Variants in PSG6 observed in about 807,000 individuals in gnomAD.
The protein encoded by PSG6 is pregnancy specific beta-1-glycoprotein 6.
PSG6 carries 51 observed loss-of-function variants against 43.3 expected under a neutral mutation model. That is an observed-to-expected ratio of 1.18 (90% CI 0.94 to 1.49). The LOEUF (loss-of-function observed/expected upper bound fraction) is 1.49. PSG6 is among the 40% of genes most tolerant of loss of function. PSG6 has a pLI of 0.00. For synonymous variants in PSG6, 292 were observed against 197.6 expected, an observed-to-expected ratio of 1.48 and a Z score of -4.01; for missense variants, 770 against 522.2, an observed-to-expected ratio of 1.47 and a Z score of -4.62.
At chr19:42,906,412 G>A (rs1373138078) in intron 5 of PSG6, among the ~76,000 whole-genome samples, 1 of 147,532 alleles carries the variant, frequency 6.8e-6, no homozygotes, top group African/African-American at 2.7e-5. Context: ...GTCAGGCAGG[G>A]CCAGGCCAGT....
chr19:42,915,118 G>A (rs1333988897), intron 2 of PSG6, among the ~76,000 whole-genome samples: 3 of 151,420 alleles, frequency 2.0e-5, no homozygotes, highest in African/African-American at 7.3e-5. Flanking sequence ...GAGAGGATGG[G>A]CCTGTGGCTG....
rs565072082 is a variant in PSG6, at chr19:42,916,165, C to T, written c.387G>A (p.Gly129=). 1.1e-5 allele frequency: 18 copies of T among 1,611,978 alleles called. No individual in the cohort carries two copies. The highest frequency in any genetic ancestry group is 2.2e-5 in the East Asian group (1 of 44,786). The stretch of plus-strand genomic sequence containing the variant: ...TGAAATATCCAGTTACTCCTCCAGT[C>T]CCATCGCCTCGCTTTATGATGTGTA... ...YTLHIIKRGD[G]TGGVTGYFTV... Residue 129 remains glycine (G), a synonymous_variant, in exon 2 of 6, where the codon GGG becomes GGA. Coordinates refer to ENST00000187910, the MANE Select transcript of PSG6 (RefSeq NM_001031850.4).
chr19:42,903,687 T>G (rs1972069090), intron 5 of PSG6: 1 of 1,531,554 alleles, frequency 6.5e-7, no homozygotes, highest in Non-Finnish European at 8.8e-7. Flanking sequence ...ACCAGGTGTT[T>G]GGACCAGCAT....
rs778070572 is a variant in PSG6, at chr19:42,910,580, G to C, written c.706C>G (p.Pro236Ala). ...RSDPVTLNLL[P>A]KLPMPYITIN... is the part of the protein sequence containing the mutation. ...TCACAGAGGAACAGAAGATACTCAC[G>C]GAGGAGATTCAGGGTGACTGGGTCA... The change falls in exon 3 of 6, where the codon CCG becomes GCG. Residue 236 changes from proline (P) to alanine (A), a missense_variant and splice_region_variant. Coordinates refer to ENST00000187910, the MANE Select transcript of PSG6 (RefSeq NM_001031850.4). 4 of 1,612,388 alleles carry C rather than the reference G, an allele frequency of 2.5e-6. No individual in the cohort carries two copies. The highest frequency in any genetic ancestry group is 1.3e-5 in the African/African-American group (1 of 74,770).
chr19:42,909,730 A>G (rs1216214130), intron 3 of PSG6: 1 of 151,690 alleles, frequency 6.6e-6, no homozygotes, highest in Non-Finnish European at 1.5e-5. Flanking sequence ...TTGTTAGTGT[A>G]TTGTCTAAAG....
Position 42,912,827 on chromosome 19 carries a change from G to A in PSG6, c.428-1969C>T, listed in dbSNP as rs191338794. ...CTTATGAAAACGGCATCATCATGAG[G>A]AAATAGTTGTATGTGGCACAGGCAG... On this transcript the variant is annotated intron_variant, in intron 2 of 5. Coordinates refer to ENST00000187910, the MANE Select transcript of PSG6 (RefSeq NM_001031850.4). Among the ~76,000 whole-genome samples the A allele has an allele frequency of 1.5e-4, 23 of 151,758 alleles. 1 individual carries two copies. The highest frequency in any genetic ancestry group is 2.5e-4 in the Non-Finnish European group (17 of 67,888).
At chr19:42,904,322 A>G (rs1972080357) in intron 5 of PSG6, among the ~76,000 whole-genome samples, 1 of 151,638 alleles carries the variant, frequency 6.6e-6, no homozygotes, top group Non-Finnish European at 1.5e-5. Flanking sequence ...AGAATTTTTA[A>G]AAAGACATTC....
chr19:42,907,297 C>A, intron 4 of PSG6, 121 bp from the exon 5 acceptor site: 1 of 1,494,932 alleles, frequency 6.7e-7, no homozygotes, highest in South Asian at 1.4e-5. Flanking sequence ...CAGCCAAATC[C>A]CATCTATGTT....
intron 3 of PSG6, among the ~76,000 whole-genome samples, chr19:42,909,479 C>A (rs1972178139): frequency 6.6e-6 from 1 of 151,572 alleles, no homozygotes; most frequent in Admixed American, 6.6e-5. Flanking sequence ...GTAGGGGTTG[C>A]ATTGAATCTG....
In PSG6 at chr19:42,914,287, G is replaced by A. The variant is rs1461846589; in HGVS notation, c.427+1838C>T. ...ACCTTTCCTATTTCCTGGGAGGTGGGCCAGGCCACAGTGTTAGCGGGAAGG... is the reference window on the plus strand; with the variant it reads ...ACCTTTCCTATTTCCTGGGAGGTGGACCAGGCCACAGTGTTAGCGGGAAGG... On this transcript the variant is annotated intron_variant, in intron 2 of 5. Coordinates refer to ENST00000187910, the MANE Select transcript of PSG6 (RefSeq NM_001031850.4). Among the ~76,000 whole-genome samples, 8 of 151,412 alleles carry A rather than the reference G, an allele frequency of 5.3e-5. 1 individual carries two copies. Among genetic ancestry groups the A allele is most frequent in the East Asian group, 1.9e-4 (1 of 5,160 alleles).
rs560159582 is a variant in PSG6 at position 42,915,975 on chromosome 19, T to C, written c.427+150A>G. 47 of 1,329,256 alleles carry C rather than the reference T, an allele frequency of 3.5e-5. No individual in the cohort carries two copies. The African/African-American group carries it at 5.5e-4, about 15-fold the overall frequency. The allele number at this position is 1,329,256 out of a possible 1,614,324, so 82.3% of individuals were successfully genotyped here. The stretch of plus-strand genomic sequence containing the variant: ...CTGATCTGTTGAAATGTGTCTCCTC[T>C]GTGTGTGTCCTGCACTAAATGCCCA... On this transcript the variant is annotated intron_variant, in intron 2 of 5. Coordinates refer to ENST00000187910, the MANE Select transcript of PSG6 (RefSeq NM_001031850.4).
intron 5 of PSG6, chr19:42,903,725 C>T (rs540664681): frequency 3.6e-6 from 5 of 1,377,638 alleles, no homozygotes; most frequent in Non-Finnish European, 4.8e-6. Flanking sequence ...GCTGTCTCTA[C>T]AAAAAAAAAA....
intron 5 of PSG6, among the ~76,000 whole-genome samples, chr19:42,902,923 A>G (rs941916049): frequency 6.6e-6 from 1 of 151,580 alleles, no homozygotes; most frequent in African/African-American, 2.4e-5. Flanking sequence ...TCTATGGAAA[A>G]AGGTAGGTAC....
chr19:42,914,724 T>C (rs867315934), intron 2 of PSG6, among the ~76,000 whole-genome samples: 5 of 151,628 alleles, frequency 3.3e-5, no homozygotes, highest in Admixed American at 6.6e-5. Context: ...TTTTGGATCA[T>C]CCATTTCTTC....
rs776377698 is a variant in PSG6 at position 42,916,190 on chromosome 19, A to T, written c.362T>A (p.Leu121Ter). The change falls in exon 2 of 6, where the codon TTA becomes TAA. Residue 121 changes from leucine (L) to a stop codon, truncating the protein, a stop_gained. Transcript: ENST00000187910. LOFTEE classifies it high-confidence loss of function. ...CCCATCGCCTCGCTTTATGATGTGT[A>T]AGGTGTAGGATCCTGCATCCTCCTG... ...VTQEDAGSYT[L>*]HIIKRGDGTG... 3.1e-6 allele frequency: 5 copies of T among 1,612,054 alleles called. No homozygotes were observed. In the African/African-American group the frequency reaches 5.4e-5, roughly 17 times the overall value.
At chr19:42,908,905 G>T (rs767644092) in intron 3 of PSG6, among the ~76,000 whole-genome samples, 19 of 151,834 alleles carry the variant, frequency 1.3e-4, no homozygotes, top group Non-Finnish European at 2.1e-4. Context: ...TGGGAGTGGG[G>T]AGAATCAGAA....
Position 42,912,324 on chromosome 19 carries a change from C to A in PSG6, c.428-1466G>T, listed in dbSNP as rs575621875. On this transcript the variant is annotated intron_variant, in intron 2 of 5. Transcript: ENST00000187910. ...GTAACAAAAAAAATTTGGAGGAAAC[C>A]TTAAAATGTTTTCATAAGTGGAAAT... is the stretch of plus-strand genomic sequence containing the variant. Among the ~76,000 whole-genome samples, 25 of 151,684 alleles carry A rather than the reference C, an allele frequency of 1.6e-4. 1 individual carries two copies. The East Asian group carries it at 1.9e-3, about 12-fold the overall frequency.
chr19:42,915,064 C>G (rs1230096562), intron 2 of PSG6, among the ~76,000 whole-genome samples: 3 of 151,686 alleles, frequency 2.0e-5, no homozygotes, highest in Middle Eastern at 3.4e-3. Flanking sequence ...CAATAAATGA[C>G]TATGGGGTCC....
chr19:42,908,429 G>A (rs539704673), intron 3 of PSG6, among the ~76,000 whole-genome samples: 3 of 151,208 alleles, frequency 2.0e-5, no homozygotes, highest in African/African-American at 7.3e-5. Context: ...AGGCACTAGA[G>A]GCACCAGGTG....
Sources: allele counts gnomAD v4.1 joint callset (sites outside exome capture counted in the v4.1 genomes callset), GRCh38; gene constraint gnomAD v4.1.1; transcripts MANE v1.5; gene names NCBI Gene and HGNC (gene_info 2026-07-23, HGNC 2026-07-21).